The following SH3RF2 variants were observed in gnomAD, a reference collection of about 807,000 sequenced individuals.
SH3RF2 encodes SH3 domain containing ring finger 2, also known as E3 ubiquitin-protein ligase SH3RF2.
In SH3RF2, 43 loss-of-function variants were observed where a neutral mutation model predicts 59.0. The ratio of observed to expected loss-of-function variants is 0.73; its 90% CI spans 0.57 to 0.94. SH3RF2 has a LOEUF of 0.94. Among genes scored for constraint, SH3RF2 ranks in the 40% least tolerant of loss-of-function variants. SH3RF2 has a pLI of 0.00. For missense variants in SH3RF2, 930 were observed against 940.1 expected (o/e 0.99, Z 0.14); for synonymous variants, 391 against 391.5 (o/e 1.00, Z 0.01).
At chr5:145,944,543 T>G (rs1580750924) in intron 2 of SH3RF2, among the ~76,000 whole-genome samples, 1 of 152,278 alleles carries the variant, frequency 6.6e-6, no homozygotes, top group Middle Eastern at 3.4e-3. Flanking sequence ...TTATTCATGC[T>G]TGTACTTTAG....
downstream of SH3RF2, among the ~76,000 whole-genome samples, chr5:146,064,799 GGAAGGAAGGAAA>G (rs1561773753): frequency 6.8e-4 from 19 of 28,060 alleles, no homozygotes; most frequent in African/African-American, 1.8e-3. Context: ...AAGGAAGGAA[GGAAGGAAGGAAA>G]GAAAGAAAGA....
chr5:146,063,504 C>T (rs1478511213), downstream of SH3RF2, among the ~76,000 whole-genome samples: 2 of 152,230 alleles, frequency 1.3e-5, no homozygotes, highest in Non-Finnish European at 2.9e-5. Flanking sequence ...CAAGAAAACA[C>T]AGCGTGCTTA....
At chr5:145,967,437 G>A (rs1758901068) in intron 2 of SH3RF2, among the ~76,000 whole-genome samples, 1 of 152,174 alleles carries the variant, frequency 6.6e-6, no homozygotes, top group Admixed American at 6.5e-5. Flanking sequence ...CCATATGCCA[G>A]ATCCCATGAG....
intron 2 of SH3RF2, among the ~76,000 whole-genome samples, chr5:145,978,162 A>G (rs988535953): frequency 1.3e-5 from 2 of 152,218 alleles, no homozygotes; most frequent in African/African-American, 4.8e-5. Context: ...GCAAAAAATC[A>G]TATTCCTGAA....
At chr5:146,055,711 G>A in intron 7 of SH3RF2, 1 of 496,088 alleles carries the variant, frequency 2.0e-6, no homozygotes, top group South Asian at 2.5e-5. Context: ...GAAAAAGGAT[G>A]AAATTCAAGT....
At chr5:146,060,330 G>A (rs913234133) in intron 9 of SH3RF2, 106 bp downstream of exon 9, 2 of 1,081,436 alleles carry the variant, frequency 1.8e-6, no homozygotes, top group Non-Finnish European at 2.6e-6. Context: ...CAAAATTGCA[G>A]CCTCGAAAGA....
intron 9 of SH3RF2, among the ~76,000 whole-genome samples, chr5:146,069,043 C>A: frequency 6.6e-6 from 1 of 152,114 alleles, no homozygotes; most frequent in East Asian, 1.9e-4. Context: ...TTATCCTTCC[C>A]GTGTAATTCT....
intron 2 of SH3RF2, among the ~76,000 whole-genome samples, chr5:145,960,475 T>C (rs1758591311): frequency 6.6e-6 from 1 of 152,190 alleles, no homozygotes; most frequent in Non-Finnish European, 1.5e-5. Flanking sequence ...ATCAACATAT[T>C]TTGGACTTAA....
chr5:146,011,512 G>C (rs1179869788), intron 4 of SH3RF2, among the ~76,000 whole-genome samples: 1 of 152,172 alleles, frequency 6.6e-6, no homozygotes, highest in Non-Finnish European at 1.5e-5. Flanking sequence ...CTATCCATGA[G>C]CATGGAATGT....
rs779797986 is a variant in SH3RF2 at position 146,059,942 on chromosome 5, G to C, written c.1632G>C (p.Met544Ile). Reference sequence around the variant, plus strand: ...GCTCCCTCAGACGCAGCCCCACCATGGTCCTTCGGCCTCAGCAGTTCCAAT... The same window carrying C: ...GCTCCCTCAGACGCAGCCCCACCATCGTCCTTCGGCCTCAGCAGTTCCAAT... Reference protein sequence around the residue: ...VVGSLRRSPTMVLRPQQFQFY... With the variant: ...VVGSLRRSPTIVLRPQQFQFY... The change falls in exon 9 of 10, where the codon ATG becomes ATC. Residue 544 changes from methionine to isoleucine, a missense_variant. Met to Ile is a conservative substitution (Grantham distance 10). Coordinates refer to ENST00000359120, the MANE Select transcript of SH3RF2 (RefSeq NM_152550.4). The C allele has an allele frequency of 1.3e-6, 2 of 1,528,214 alleles. No individual in the cohort carries two copies. Among genetic ancestry groups the C allele is most frequent in the Non-Finnish European group, 1.8e-6 (2 of 1,138,274 alleles). 94.7% of individuals were successfully genotyped at this position (1,528,214 alleles called of 1,614,324 possible).
At chr5:145,943,897 T>C (rs1450495285) in intron 2 of SH3RF2, among the ~76,000 whole-genome samples, 2 of 152,180 alleles carry the variant, frequency 1.3e-5, no homozygotes, top group African/African-American at 4.8e-5. Flanking sequence ...AGCCAATATA[T>C]ATTTTTGTGT....
At chr5:146,032,594 C>A (rs1761780665) in intron 5 of SH3RF2, among the ~76,000 whole-genome samples, 1 of 152,152 alleles carries the variant, frequency 6.6e-6, no homozygotes, top group African/African-American at 2.4e-5. Context: ...GGTGAGGTGA[C>A]ACTAGGTGTG....
intron 4 of SH3RF2, 89 bp from the exon 5 acceptor site, chr5:146,013,658 G>C (rs1760993019): frequency 6.9e-7 from 1 of 1,449,836 alleles, no homozygotes. Context: ...GGTGGCACCT[G>C]ACCTGGCTTC....
rs1278588151 is a variant in SH3RF2 at position 145,967,666 on chromosome 5, C to CT, written c.378+29368dup. The stretch of plus-strand genomic sequence containing the variant: ...GAGTTATTTCTTTTTTTCTTTCTTT[C>CT]TTTTTTTTCTGAGACAGAGTCTCAC... On this transcript the variant is annotated intron_variant, in intron 2 of 9. Coordinates refer to ENST00000359120, the MANE Select transcript of SH3RF2 (RefSeq NM_152550.4). 9.2e-5 allele frequency among the ~76,000 whole-genome samples: 14 copies of CT among 151,942 alleles called. No homozygotes were observed. The East Asian group carries it at 9.7e-4, about 10-fold the overall frequency.
chr5:145,997,715 A>T (rs1336419345), intron 2 of SH3RF2: 20 of 1,569,374 alleles, frequency 1.3e-5, no homozygotes, highest in Non-Finnish European at 1.7e-5. Context: ...TATATGCTAC[A>T]AGCCAGCAAA....
intron 2 of SH3RF2, among the ~76,000 whole-genome samples, chr5:145,945,718 C>T (rs1757983946): frequency 6.6e-6 from 1 of 152,054 alleles, no homozygotes; most frequent in Non-Finnish European, 1.5e-5. Flanking sequence ...TAGATACTTG[C>T]CTTCCTATCA....
chr5:145,982,315 C>T lies in SH3RF2; in HGVS notation c.379-17743C>T, dbSNP rs112203651. On this transcript the variant is annotated intron_variant, in intron 2 of 9. Coordinates refer to ENST00000359120, the MANE Select transcript of SH3RF2 (RefSeq NM_152550.4). ...ATGCAGGTGCTCCTGGAGGCTTCTT[C>T]CTGACTATGTCTTTGTCTTGGCATG... 8.2e-3 allele frequency among the ~76,000 whole-genome samples: 1,244 copies of T among 152,332 alleles called. 8 individuals carry two copies. Among genetic ancestry groups the T allele is most frequent in the Admixed American group, 0.013 (206 of 15,302 alleles).
chr5:146,055,879 T>G, intron 7 of SH3RF2, 102 bp from the exon 8 acceptor site: 1 of 1,291,910 alleles, frequency 7.7e-7, no homozygotes, highest in Non-Finnish European at 1.1e-6. Flanking sequence ...AGTAGCCACA[T>G]TTGGTATGTG....
In SH3RF2 at chr5:146,059,958, C is replaced by A; in HGVS notation, c.1648C>A (p.Gln550Lys). Reference sequence around the variant, plus strand: ...CCCCACCATGGTCCTTCGGCCTCAGCAGTTCCAATTCTACCAGCCACAGGG... The same window carrying A: ...CCCCACCATGGTCCTTCGGCCTCAGAAGTTCCAATTCTACCAGCCACAGGG... Reference protein sequence around the residue: ...RSPTMVLRPQQFQFYQPQGIP... With the variant: ...RSPTMVLRPQKFQFYQPQGIP... The change falls in exon 9 of 10, where the codon CAG becomes AAG. Residue 550 changes from glutamine to lysine, a missense_variant. Coordinates refer to ENST00000359120, the MANE Select transcript of SH3RF2 (RefSeq NM_152550.4). The A allele has an allele frequency of 6.4e-7, 1 of 1,554,960 alleles. No individual in the cohort carries two copies.
Sources: allele counts gnomAD v4.1 joint callset (sites outside exome capture counted in the v4.1 genomes callset), GRCh38; gene constraint gnomAD v4.1.1; transcripts MANE v1.5; gene names NCBI Gene and HGNC (gene_info 2026-07-23, HGNC 2026-07-21).